TRIO: variants seen among roughly 807,000 people sequenced by gnomAD.
TRIO encodes the protein triple functional domain protein.
Under a neutral mutation model 351.9 loss-of-function variants are expected in TRIO, and 58 were observed. That is an observed-to-expected ratio of 0.16 (90% CI 0.13 to 0.21). The LOEUF is 0.21. Among genes scored for constraint, TRIO ranks in the 10% least tolerant of loss-of-function variants. The pLI, the probability that TRIO is intolerant of heterozygous loss-of-function variation, is 1.00. For synonymous variants in TRIO, 1,758 were observed against 1,595.7 expected (o/e 1.10, Z -2.42); for missense variants, 3,201 against 4,027.8 (o/e 0.79, Z 5.56).
In TRIO at chr5:14,291,150, G is replaced by T. The variant is rs61737132; in HGVS notation, c.975G>T (p.Leu325=). Residue 325 remains leucine (L), a synonymous_variant, in exon 5 of 57, where the codon CTG becomes CTT. Coordinates refer to ENST00000344204, the MANE Select transcript of TRIO (RefSeq NM_007118.4). ...GGCTGCACTCGACACGGCAGCATCT[G>T]CACCAGATGTGGCATGTGAGGAAGC... ...LDRLHSTRQH[L]HQMWHVRKLK... The T allele has an allele frequency of 3.7e-6, 6 of 1,614,032 alleles. No individual in the cohort carries two copies. Among genetic ancestry groups the T allele is most frequent in the Non-Finnish European group, 4.2e-6 (5 of 1,180,042 alleles).
At chr5:14,421,223 A>AT (rs1374953302) in intron 34 of TRIO, among the ~76,000 whole-genome samples, 1 of 118,770 alleles carries the variant, frequency 8.4e-6, no homozygotes, top group Non-Finnish European at 1.6e-5. Context: ...TTAATTATTT[A>AT]TTTATTTATT....
chr5:14,375,073 T>G (rs1006324504), intron 19 of TRIO, among the ~76,000 whole-genome samples: 1 of 152,222 alleles, frequency 6.6e-6, no homozygotes, highest in African/African-American at 2.4e-5. Flanking sequence ...GGCAAAAACT[T>G]TGTACATTAC....
In TRIO at chr5:14,493,227, G is replaced by A. The variant is rs930052689; in HGVS notation, c.7880+413G>A. On this transcript the variant is annotated intron_variant, in intron 49 of 56. Transcript: ENST00000344204. Reference sequence around the variant, plus strand: ...TTCAGAGGAGCAGGACCAGTAGGGAGCGTGCGGAGATGTTGGCATAGACAC... The same window carrying A: ...TTCAGAGGAGCAGGACCAGTAGGGAACGTGCGGAGATGTTGGCATAGACAC... Among the ~76,000 whole-genome samples, 10 of 152,274 alleles carry A rather than the reference G, an allele frequency of 6.6e-5. No individual in the cohort carries two copies. In the South Asian group the frequency reaches 1.2e-3, roughly 19 times the overall value.
At chr5:14,436,350 C>T (rs2152401064) in intron 34 of TRIO, among the ~76,000 whole-genome samples, 1 of 152,256 alleles carries the variant, frequency 6.6e-6, no homozygotes, top group South Asian at 2.1e-4. Flanking sequence ...AAAACTTGCC[C>T]CCATGATTCA....
intron 1 of TRIO, among the ~76,000 whole-genome samples, chr5:14,247,264 G>A (rs1192800219): frequency 6.6e-6 from 1 of 152,232 alleles, no homozygotes; most frequent in East Asian, 1.9e-4. Flanking sequence ...GTCACAACTG[G>A]GTATTGGATG....
At chr5:14,364,516 T>G in intron 14 of TRIO, 134 bp from the exon 15 acceptor site, 1 of 1,068,552 alleles carries the variant, frequency 9.4e-7, no homozygotes, top group Non-Finnish European at 1.4e-6. Context: ...CTCCTTGAAC[T>G]TGCCCTTCAG....
intron 1 of TRIO, among the ~76,000 whole-genome samples, chr5:14,263,972 A>G (rs1322210606): frequency 6.6e-6 from 1 of 152,208 alleles, no homozygotes; most frequent in Non-Finnish European, 1.5e-5. Context: ...ACCTGGGCAC[A>G]TGGTTTCTTT....
chr5:14,359,611 G>T (rs970385576), intron 13 of TRIO, 80 bp downstream of exon 13: 2 of 1,522,082 alleles, frequency 1.3e-6, no homozygotes, highest in African/African-American at 2.7e-5. Flanking sequence ...TCTTGTCTCT[G>T]CCCTGCTGAG....
intron 1 of TRIO, among the ~76,000 whole-genome samples, chr5:14,202,311 TTTTTTTTTTTTTTTTTTTTG>T (rs1241670644): frequency 2.5e-5 from 3 of 120,332 alleles, no homozygotes; most frequent in South Asian, 3.6e-4. Flanking sequence ...TTTTTTTTTT[TTTTTTTTTTTTTTTTTTTTG>T]CTCATCAGCT....
rs539199196 is a variant in TRIO, at chr5:14,209,476, T to A, written c.158-61349T>A. ...GAGGCAAGTCCCAGTTACTAATATA[T>A]TCTTTCTCCTGTAAATAGTTTAGTG... On this transcript the variant is annotated intron_variant, in intron 1 of 56. Coordinates refer to ENST00000344204, the MANE Select transcript of TRIO (RefSeq NM_007118.4). Among the ~76,000 whole-genome samples, 6 of 152,338 alleles carry A rather than the reference T, an allele frequency of 3.9e-5. No individual in the cohort carries two copies. The South Asian group carries it at 1.2e-3, about 32-fold the overall frequency.
chr5:14,352,998 A>C (rs2152332425), intron 11 of TRIO, among the ~76,000 whole-genome samples: 1 of 152,294 alleles, frequency 6.6e-6, no homozygotes, highest in East Asian at 1.9e-4. Context: ...CTAACAGACT[A>C]ATTCTAGCAC....
intron 1 of TRIO, among the ~76,000 whole-genome samples, chr5:14,250,244 G>A (rs895571359): frequency 7.9e-5 from 12 of 152,138 alleles, no homozygotes; most frequent in Non-Finnish European, 1.3e-4. Flanking sequence ...CCAGCATGCC[G>A]TCACTGTCTT....
In TRIO at chr5:14,492,273, G is replaced by T. The variant is rs1756541482; in HGVS notation, c.7633-294G>T. On this transcript the variant is annotated intron_variant, in intron 48 of 56. Coordinates refer to ENST00000344204, the MANE Select transcript of TRIO (RefSeq NM_007118.4). ...GGAGGACTAAGATGTTCCCGTGAGGGTGCAAGGAAGACCACAGTGGAACGA... is the reference window on the plus strand; with the variant it reads ...GGAGGACTAAGATGTTCCCGTGAGGTTGCAAGGAAGACCACAGTGGAACGA... The T allele has an allele frequency of 6.8e-6, 3 of 440,746 alleles. No individual in the cohort carries two copies. The South Asian group carries it at 7.3e-5, about 11-fold the overall frequency. The allele number at this position is 440,746 out of a possible 1,614,324, so 27.3% of individuals were successfully genotyped here.
At chr5:14,433,955 G>A (rs1345515116) in intron 34 of TRIO, among the ~76,000 whole-genome samples, 1 of 152,144 alleles carries the variant, frequency 6.6e-6, no homozygotes, top group African/African-American at 2.4e-5. Context: ...TTAGCCTTAA[G>A]TATATTTCTA....
At chr5:14,383,839 G>A (rs1378941280) in intron 21 of TRIO, among the ~76,000 whole-genome samples, 7 of 152,220 alleles carry the variant, frequency 4.6e-5, no homozygotes, top group East Asian at 1.9e-4. Flanking sequence ...TCTGTCACCC[G>A]ATCTTAGAAT....
In TRIO at chr5:14,485,913, A is replaced by G. The variant is rs187582866; in HGVS notation, c.6835+667A>G. ...TGAGGCAGGAGAATCACTTGAACCCAGGAGGCGGAGATCGTGGTGAGCTGA... is the reference window on the plus strand; with the variant it reads ...TGAGGCAGGAGAATCACTTGAACCCGGGAGGCGGAGATCGTGGTGAGCTGA... On this transcript the variant is annotated intron_variant, in intron 47 of 56. Transcript: ENST00000344204. Among the ~76,000 whole-genome samples the G allele has an allele frequency of 7.7e-3, 1,169 of 152,104 alleles. 6 individuals are homozygous for G. The highest frequency in any genetic ancestry group is 0.014 in the Non-Finnish European group (937 of 67,980).
chr5:14,273,267 T>A (rs1465185051), intron 2 of TRIO, among the ~76,000 whole-genome samples: 1 of 152,256 alleles, frequency 6.6e-6, no homozygotes, highest in Non-Finnish European at 1.5e-5. Flanking sequence ...TGAGTGATTT[T>A]AAAAGATACT....
intron 2 of TRIO, among the ~76,000 whole-genome samples, chr5:14,277,595 G>A (rs1344843000): frequency 6.6e-6 from 1 of 152,208 alleles, no homozygotes; most frequent in Non-Finnish European, 1.5e-5. Context: ...TATCTAATAG[G>A]TGAAGTTTTT....
intron 1 of TRIO, among the ~76,000 whole-genome samples, chr5:14,252,631 TCTC>T (rs1255566383): frequency 1.6e-4 from 24 of 152,314 alleles, no homozygotes; most frequent in African/African-American, 5.3e-4. Flanking sequence ...CCCTGAGACA[TCTC>T]CTTTCAAACT....
Sources: allele counts gnomAD v4.1 joint callset (sites outside exome capture counted in the v4.1 genomes callset), GRCh38; gene constraint gnomAD v4.1.1; transcripts MANE v1.5; gene names NCBI Gene and HGNC (gene_info 2026-07-23, HGNC 2026-07-21).